ZNF329: variants seen among roughly 807,000 people sequenced by gnomAD.
The protein encoded by ZNF329 is zinc finger protein 329.
A neutral mutation model predicts 26.6 loss-of-function variants in ZNF329; 15 were observed. The ratio of observed to expected loss-of-function variants is 0.56; its 90% confidence interval spans 0.38 to 0.87. The LOEUF (loss-of-function observed/expected upper bound fraction) is 0.87. ZNF329 is among the 40% of genes least tolerant of loss of function. ZNF329 has a pLI of 0.00. For synonymous variants in ZNF329, 239 were observed against 233.5 expected (o/e 1.02, Z -0.21); for missense variants, 651 against 651.9 (o/e 1.00, Z 0.02).
Position 58,141,766 on chromosome 19 carries a change from A to G in ZNF329, c.-9+791T>C, listed in dbSNP as rs189093844. 5.6e-3 allele frequency among the ~76,000 whole-genome samples: 853 copies of G among 152,064 alleles called. 4 individuals carry two copies. Among genetic ancestry groups the G allele is most frequent in the Non-Finnish European group, 7.9e-3 (534 of 67,992 alleles). ...AAATTAGCCAGGCATGGTGGCATGC[A>G]CCTGTAGTCCCAGCTACTCGGAAGA... is the stretch of plus-strand genomic sequence containing the variant. On this transcript the variant is annotated intron_variant, in intron 3 of 3. Transcript: ENST00000598312.
At chr19:58,133,664 C>A (rs75153118) in intron 3 of ZNF329, among the ~76,000 whole-genome samples, 2,804 of 151,714 alleles carry the variant, frequency 0.018, 83 homozygotes, top group African/African-American at 0.063. Flanking sequence ...TTCAAAAAAA[C>A]CCCAAGAACG....
chr19:58,147,905 T>G (rs550598495), intron 1 of ZNF329, among the ~76,000 whole-genome samples: 25 of 151,834 alleles, frequency 1.6e-4, no homozygotes, highest in Admixed American at 1.6e-3. Flanking sequence ...ACCCAACAGC[T>G]CAATGAGAAC....
intron 3 of ZNF329, among the ~76,000 whole-genome samples, chr19:58,140,566 C>G (rs2075162223): frequency 6.6e-6 from 1 of 151,766 alleles, no homozygotes. Flanking sequence ...GTGCCCGCCA[C>G]CACACCCAGC....
chr19:58,140,877 T>C (rs977116468), intron 3 of ZNF329, among the ~76,000 whole-genome samples: 1 of 149,556 alleles, frequency 6.7e-6, no homozygotes, highest in African/African-American at 2.5e-5. Context: ...ACACATAATT[T>C]TTTTTTTTTT....
In ZNF329 at chr19:58,129,342, C is replaced by T. The variant is rs1236414669; in HGVS notation, c.162G>A (p.Leu54=). 1.2e-6 allele frequency: 2 copies of T among 1,614,208 alleles called. No individual in the cohort carries two copies. Among genetic ancestry groups the T allele is most frequent in the Non-Finnish European group, 1.7e-6 (2 of 1,180,038 alleles). ...TTGCTTCCTGAGTCCCTGGTTTCTC[C>T]AGAGTTAAAGCTGATTGCCTCAAGT... ...EGHLRQSALT[L]EKPGTQEAIC... Residue 54 remains leucine, a synonymous_variant, in exon 4 of 4, where the codon CTG becomes CTA. Coordinates refer to ENST00000598312, the MANE Select transcript of ZNF329 (RefSeq NM_024620.4).
At chr19:58,134,050 T>C (rs946031477) in intron 3 of ZNF329, among the ~76,000 whole-genome samples, 2 of 152,130 alleles carry the variant, frequency 1.3e-5, no homozygotes, top group African/African-American at 2.4e-5. Flanking sequence ...AAAGAATAAA[T>C]GTAGTATAAA....
At chr19:58,138,682 A>C (rs761766662) in intron 3 of ZNF329, among the ~76,000 whole-genome samples, 11 of 152,224 alleles carry the variant, frequency 7.2e-5, no homozygotes, top group Non-Finnish European at 1.0e-4. Context: ...TGTGAAGGGA[A>C]GATGCACACG....
chr19:58,146,741 C>T (rs891603258), intron 1 of ZNF329, among the ~76,000 whole-genome samples: 44 of 152,086 alleles, frequency 2.9e-4, no homozygotes, highest in African/African-American at 9.2e-4. Flanking sequence ...TTGGTGGAGA[C>T]GGGGTTTCGC....
chr19:58,131,530 T>C lies in ZNF329; in HGVS notation c.-8-2019A>G, dbSNP rs146615285. ...TAAGAGACAAAATGCAAGTGGCAGATAGGGAGAAAATAGGACTTAAAAGCA... is the reference window on the plus strand; with the variant it reads ...TAAGAGACAAAATGCAAGTGGCAGACAGGGAGAAAATAGGACTTAAAAGCA... On this transcript the variant is annotated intron_variant, in intron 3 of 3. Coordinates refer to ENST00000598312, the MANE Select transcript of ZNF329 (RefSeq NM_024620.4). Among the ~76,000 whole-genome samples the C allele has an allele frequency of 2.6e-4, 40 of 152,220 alleles. 1 individual carries two copies. The highest frequency in any genetic ancestry group is 3.4e-3 in the Middle Eastern group (1 of 294).
At chr19:58,135,771 A>G (rs995587169) in intron 3 of ZNF329, among the ~76,000 whole-genome samples, 5 of 152,242 alleles carry the variant, frequency 3.3e-5, no homozygotes, top group Non-Finnish European at 5.9e-5. Flanking sequence ...AACAAAGCCC[A>G]GACTACAGCC....
At chr19:58,144,250 C>A (rs2075250282) in intron 1 of ZNF329, among the ~76,000 whole-genome samples, 1 of 151,500 alleles carries the variant, frequency 6.6e-6, no homozygotes, top group Admixed American at 6.6e-5. Context: ...TCTCAACTCA[C>A]TGCAACCTCC....
intron 1 of ZNF329, among the ~76,000 whole-genome samples, chr19:58,143,706 A>T (rs749888903): frequency 6.6e-6 from 1 of 152,186 alleles, no homozygotes; most frequent in Admixed American, 6.6e-5. Flanking sequence ...AATAATTACA[A>T]TTCCAAATTC....
At chr19:58,137,303 C>T (rs2075092871) in intron 3 of ZNF329, among the ~76,000 whole-genome samples, 1 of 152,110 alleles carries the variant, frequency 6.6e-6, no homozygotes, top group Non-Finnish European at 1.5e-5. Flanking sequence ...CCTATAATCC[C>T]AGCACTTTGG....
At chr19:58,142,928 AC>A (rs1483353459) in intron 2 of ZNF329, among the ~76,000 whole-genome samples, 176 bp downstream of exon 2, 2 of 152,058 alleles carry the variant, frequency 1.3e-5, no homozygotes, top group African/African-American at 2.4e-5. Context: ...GCAAGCCCCA[AC>A]CCCAACCCCA....
upstream of ZNF329, chr19:58,155,009 A>AC (rs2075519537): frequency 6.6e-6 from 1 of 152,208 alleles, no homozygotes; most frequent in Non-Finnish European, 1.5e-5. Flanking sequence ...GGTAGCGGCC[A>AC]CCCCTGAGAG....
chr19:58,133,765 G>A (rs368958238), intron 3 of ZNF329, among the ~76,000 whole-genome samples: 38 of 151,800 alleles, frequency 2.5e-4, no homozygotes, highest in Middle Eastern at 6.8e-3. Context: ...TTGGGAGGTC[G>A]AGGTGGGGGG....
chr19:58,139,346 C>T (rs995274354), intron 3 of ZNF329, among the ~76,000 whole-genome samples: 16 of 152,210 alleles, frequency 1.1e-4, no homozygotes, highest in South Asian at 4.2e-4. Flanking sequence ...TAGAAATGGG[C>T]GAAGGATCTT....
chr19:58,135,554 C>G (rs1320387348), intron 3 of ZNF329, among the ~76,000 whole-genome samples: 1 of 152,194 alleles, frequency 6.6e-6, no homozygotes, highest in African/African-American at 2.4e-5. Flanking sequence ...GCATGAGCCA[C>G]TGCACCCGGC....
At chr19:58,147,645 G>A (rs1179611108) in intron 1 of ZNF329, among the ~76,000 whole-genome samples, 5 of 147,076 alleles carry the variant, frequency 3.4e-5, no homozygotes, top group African/African-American at 1.1e-4. Flanking sequence ...GAGGGAGGTG[G>A]GGGGCCAGCC....
Sources: allele counts gnomAD v4.1 joint callset (sites outside exome capture counted in the v4.1 genomes callset), GRCh38; gene constraint gnomAD v4.1.1; transcripts MANE v1.5; gene names NCBI Gene and HGNC (gene_info 2026-07-23, HGNC 2026-07-21).